CIMAP2: variants seen among roughly 807,000 people sequenced by gnomAD.
CIMAP2 encodes the protein ciliary microtubule-associated protein 2.
the CIMAP2 span, among the ~76,000 whole-genome samples, chr1:54,833,248 T>C: frequency 6.6e-6 from 1 of 152,014 alleles, no homozygotes; most frequent in Non-Finnish European, 1.5e-5. Context: ...AATGATGGGG[T>C]GAAGGGGATT....
At chr1:54,827,853 A>G in the CIMAP2 span, among the ~76,000 whole-genome samples, 1 of 152,244 alleles carries the variant, frequency 6.6e-6, no homozygotes, top group Non-Finnish European at 1.5e-5. Flanking sequence ...AAGAGAAACT[A>G]CAATTACTTA....
chr1:54,814,958 C>T, the CIMAP2 span: 3 of 1,614,202 alleles, frequency 1.9e-6, no homozygotes, highest in South Asian at 3.3e-5. Flanking sequence ...AGAAGAAATG[C>T]AAACCCGTCA....
At chr1:54,812,999 G>A in the CIMAP2 span, among the ~76,000 whole-genome samples, 1 of 152,198 alleles carries the variant, frequency 6.6e-6, no homozygotes. Flanking sequence ...TGAGGCCTTC[G>A]ACCTGGCTGC....
chr1:54,815,070 G>T, the CIMAP2 span: 2 of 1,612,002 alleles, frequency 1.2e-6, no homozygotes, highest in Non-Finnish European at 1.7e-6. Context: ...GGATACATGG[G>T]AACTCTCTCC....
At chr1:54,808,384 G>A in the CIMAP2 span, among the ~76,000 whole-genome samples, 1 of 152,148 alleles carries the variant, frequency 6.6e-6, no homozygotes, top group East Asian at 1.9e-4. Context: ...CGTGAGCAAC[G>A]GAGACTTGCA....
the CIMAP2 span, among the ~76,000 whole-genome samples, chr1:54,840,741 G>A: frequency 1.6e-4 from 25 of 152,178 alleles, no homozygotes; most frequent in Non-Finnish European, 5.9e-5. Context: ...AGATGTTGAG[G>A]ATCTTTTCAT....
At chr1:54,819,838 CTCTT>C in the CIMAP2 span, among the ~76,000 whole-genome samples, 11 of 57,048 alleles carry the variant, frequency 1.9e-4, no homozygotes, top group Admixed American at 6.1e-4. Context: ...TTCTTTCTTT[CTCTT>C]TCTTTCTTTC....
At chr1:54,836,307 G>A in the CIMAP2 span, among the ~76,000 whole-genome samples, 5 of 276 alleles carry the variant, frequency 0.018, no homozygotes, top group African/African-American at 0.047. Flanking sequence ...CTGCCTGCCT[G>A]CCTGCCTGCC....
At chr1:54,812,833 A>G in the CIMAP2 span, among the ~76,000 whole-genome samples, 1 of 152,226 alleles carries the variant, frequency 6.6e-6, no homozygotes, top group South Asian at 2.1e-4. Flanking sequence ...CGGAACTTAC[A>G]TTCTAGTGGG....
chr1:54,820,426 C>T, the CIMAP2 span, among the ~76,000 whole-genome samples: 2 of 152,004 alleles, frequency 1.3e-5, no homozygotes, highest in Admixed American at 1.3e-4. Flanking sequence ...GGTCCTCCCA[C>T]CTCGGCCTCC....
At chr1:54,810,528 G>A in the CIMAP2 span, among the ~76,000 whole-genome samples, 1 of 152,132 alleles carries the variant, frequency 6.6e-6, no homozygotes. Context: ...CAAATCTGAT[G>A]CCCTTAGTGG....
the CIMAP2 span, among the ~76,000 whole-genome samples, chr1:54,814,599 T>C: frequency 1.3e-5 from 2 of 152,212 alleles, no homozygotes; most frequent in Non-Finnish European, 2.9e-5. Context: ...GGAACCCAGC[T>C]CATCTGGCTC....
the CIMAP2 span, among the ~76,000 whole-genome samples, chr1:54,808,743 A>G: frequency 6.6e-6 from 1 of 151,876 alleles, no homozygotes; most frequent in Admixed American, 6.6e-5. Flanking sequence ...CCAGGGGATG[A>G]TGATCTCATC....
At chr1:54,820,037 A>T in the CIMAP2 span, among the ~76,000 whole-genome samples, 39 of 74,674 alleles carry the variant, frequency 5.2e-4, no homozygotes, top group Admixed American at 8.2e-4. Context: ...TCCTTCCTTC[A>T]TTCATTCCTT....
the CIMAP2 span, chr1:54,817,270 G>A: frequency 5.1e-5 from 57 of 1,126,908 alleles, no homozygotes; most frequent in African/African-American, 1.2e-4. Flanking sequence ...GTGGAGGGAC[G>A]TTCACGTTCA....
chr1:54,837,910 A>G, the CIMAP2 span, among the ~76,000 whole-genome samples: 1 of 150,716 alleles, frequency 6.6e-6, no homozygotes, highest in African/African-American at 2.4e-5. Flanking sequence ...GCATTGAGTT[A>G]TATCTGTACT....
the CIMAP2 span, among the ~76,000 whole-genome samples, chr1:54,806,536 A>G: frequency 6.6e-6 from 1 of 152,156 alleles, no homozygotes; most frequent in African/African-American, 2.4e-5. Flanking sequence ...CACTCAGCTC[A>G]AAAGTGGTGG....
the CIMAP2 span, chr1:54,811,765 G>GCCGGGGGGGGGGGGGCGCCCCCCCCCCC: frequency 1.5e-6 from 2 of 1,301,328 alleles, no homozygotes; most frequent in Non-Finnish European, 2.2e-6. Flanking sequence ...GGTTCTGACA[G>GCCGGGGGGGGGGGGGCGCCCCCCCCCCC]CCTCCATGCC....
chr1:54,840,353 G>T, the CIMAP2 span, among the ~76,000 whole-genome samples: 1 of 152,226 alleles, frequency 6.6e-6, no homozygotes, highest in Non-Finnish European at 1.5e-5. Context: ...TGCGTTGTAT[G>T]GTTGTGACAC....
Sources: gnomAD v4.1 joint callset for allele counts (sites outside exome capture counted in the v4.1 genomes callset) on GRCh38, gnomAD v4.1.1 for gene constraint, MANE v1.5 for transcripts, NCBI Gene and HGNC (gene_info 2026-07-23, HGNC 2026-07-21) for gene names.